CNTN5: variants seen among roughly 807,000 people sequenced by gnomAD.
The protein encoded by CNTN5 is contactin-5.
Under a neutral mutation model 129.1 loss-of-function variants are expected in CNTN5, and 77 were observed. That is an observed-to-expected ratio of 0.60 (90% CI 0.50 to 0.72). CNTN5 has a LOEUF of 0.72. CNTN5 is among the 30% of genes least tolerant of loss of function. CNTN5 has a pLI of 0.00. For missense variants in CNTN5, 1,478 were observed against 1,328.8 expected (o/e 1.11, Z -1.75); for synonymous variants, 509 against 465.6 (o/e 1.09, Z -1.20).
rs922117828 is a variant in CNTN5 at position 100,356,978 on chromosome 11, A to G, written c.*758A>G. ...AAATATTTATTTTTAATAACAAAAGATGGTTTAACATCACCAAAAAATATG... is the reference window on the plus strand; with the variant it reads ...AAATATTTATTTTTAATAACAAAAGGTGGTTTAACATCACCAAAAAATATG... On this transcript the variant is annotated 3_prime_UTR_variant, in exon 25 of 25. Coordinates refer to ENST00000524871, the MANE Select transcript of CNTN5 (RefSeq NM_014361.4). 6.6e-6 allele frequency: 1 copy of G among 151,766 alleles called. No individual in the cohort carries two copies. Among genetic ancestry groups the G allele is most frequent in the African/African-American group, 2.4e-5 (1 of 41,396 alleles). 9.4% of individuals were successfully genotyped at this position (151,766 alleles called of 1,614,324 possible). A position where few individuals can be genotyped will look rare whatever the true frequency, so the allele number is the denominator to read the frequency against.
At chr11:99,499,126 G>A (rs1946335959) in intron 2 of CNTN5, among the ~76,000 whole-genome samples, 1 of 152,114 alleles carries the variant, frequency 6.6e-6, no homozygotes, top group Admixed American at 6.6e-5. Context: ...TCTAAATTTT[G>A]TCACTGCTAC....
intron 3 of CNTN5, among the ~76,000 whole-genome samples, chr11:99,678,732 A>G (rs2134697904): frequency 6.6e-6 from 1 of 152,190 alleles, no homozygotes; most frequent in Non-Finnish European, 1.5e-5. Flanking sequence ...GTCCTTTTAG[A>G]AAGAGGTAAA....
chr11:100,092,916 T>C (rs907834083), intron 13 of CNTN5, among the ~76,000 whole-genome samples: 1 of 152,068 alleles, frequency 6.6e-6, no homozygotes, highest in Non-Finnish European at 1.5e-5. Context: ...TTTTAACATA[T>C]AGGCTGTAAA....
chr11:99,300,019 A>G (rs983331197), intron 1 of CNTN5, among the ~76,000 whole-genome samples: 4 of 152,160 alleles, frequency 2.6e-5, no homozygotes, highest in Admixed American at 6.6e-5. Context: ...CCAACAGTGT[A>G]TAAGCATTGC....
chr11:99,776,417 AT>A (rs1337797854), intron 3 of CNTN5, among the ~76,000 whole-genome samples: 1 of 151,974 alleles, frequency 6.6e-6, no homozygotes, highest in Non-Finnish European at 1.5e-5. Flanking sequence ...CTCTAAAAGC[AT>A]TGCTTTCCTA....
At chr11:99,637,577 T>C (rs1951608937) in intron 3 of CNTN5, among the ~76,000 whole-genome samples, 1 of 152,122 alleles carries the variant, frequency 6.6e-6, no homozygotes, top group African/African-American at 2.4e-5. Context: ...ATTTTAAAAA[T>C]CAGTATTTTT....
chr11:99,719,912 C>G (rs1201885218), intron 3 of CNTN5, among the ~76,000 whole-genome samples: 3 of 152,080 alleles, frequency 2.0e-5, no homozygotes, highest in Admixed American at 6.6e-5. Flanking sequence ...TCTACACACA[C>G]AAACTAGAAA....
chr11:99,924,898 T>C (rs1445853021), intron 7 of CNTN5, among the ~76,000 whole-genome samples: 1 of 152,102 alleles, frequency 6.6e-6, no homozygotes, highest in Non-Finnish European at 1.5e-5. Context: ...GAAGTAAGGG[T>C]GTGTAAATTT....
chr11:99,528,901 TA>T (rs35945785), intron 2 of CNTN5, among the ~76,000 whole-genome samples: 80,304 of 145,442 alleles, frequency 0.55, 23,797 homozygotes, highest in Non-Finnish European at 0.69. Flanking sequence ...CCGTTTCTAC[TA>T]AAAAAAAAAA....
At chr11:99,941,445 C>T (rs1950433190) in intron 7 of CNTN5, among the ~76,000 whole-genome samples, 1 of 151,618 alleles carries the variant, frequency 6.6e-6, no homozygotes, top group Admixed American at 6.6e-5. Context: ...GTGTACCAGC[C>T]ACTTTTTACA....
intron 2 of CNTN5, among the ~76,000 whole-genome samples, chr11:99,495,147 T>A (rs1946177104): frequency 6.6e-6 from 1 of 152,068 alleles, no homozygotes; most frequent in African/African-American, 2.4e-5. Context: ...AGGCGGCAGA[T>A]CACGAAGTCA....
At chr11:99,540,447 T>A (rs1308706996) in intron 2 of CNTN5, among the ~76,000 whole-genome samples, 1 of 152,196 alleles carries the variant, frequency 6.6e-6, no homozygotes, top group Non-Finnish European at 1.5e-5. Flanking sequence ...GCACTTTCAA[T>A]GTGTTCACAG....
At chr11:99,429,470 CT>C (rs1363219292) in intron 2 of CNTN5, among the ~76,000 whole-genome samples, 9 of 152,000 alleles carry the variant, frequency 5.9e-5, no homozygotes, top group African/African-American at 2.2e-4. Context: ...AGGAACAATT[CT>C]TAGGTGAAAA....
chr11:99,120,445 G>A (rs1275018680), intron 1 of CNTN5: 1 of 152,228 alleles, frequency 6.6e-6, no homozygotes, highest in Non-Finnish European at 1.5e-5. Context: ...ATAAAGGGAT[G>A]AGCCATATAA....
At chr11:99,213,466 G>A (rs986248144) in intron 1 of CNTN5, among the ~76,000 whole-genome samples, 87 of 126,920 alleles carry the variant, frequency 6.9e-4, no homozygotes, top group East Asian at 2.7e-3. Context: ...ACATATATAC[G>A]TGTGTATATA....
chr11:99,920,941 T>G (rs1251512059), intron 7 of CNTN5, among the ~76,000 whole-genome samples: 2 of 152,010 alleles, frequency 1.3e-5, no homozygotes, highest in African/African-American at 4.8e-5. Flanking sequence ...GCCTTGAGGG[T>G]TGGGCCTTTA....
chr11:99,492,272 A>G (rs993907889), intron 2 of CNTN5, among the ~76,000 whole-genome samples: 1 of 152,112 alleles, frequency 6.6e-6, no homozygotes, highest in African/African-American at 2.4e-5. Flanking sequence ...GGTGATCATT[A>G]TGAAAAACAA....
intron 20 of CNTN5, among the ~76,000 whole-genome samples, chr11:100,303,047 C>T (rs1951264258): frequency 6.6e-6 from 1 of 151,450 alleles, no homozygotes; most frequent in South Asian, 2.1e-4. Context: ...CCTTTGAAAC[C>T]TTTCAATGTT....
At chr11:99,201,989 G>A (rs903352022) in intron 1 of CNTN5, among the ~76,000 whole-genome samples, 9 of 152,116 alleles carry the variant, frequency 5.9e-5, no homozygotes, top group African/African-American at 1.9e-4. Context: ...CAATGCATGC[G>A]TGTTTTGCAC....
Sources: allele counts gnomAD v4.1 joint callset (sites outside exome capture counted in the v4.1 genomes callset), GRCh38; gene constraint gnomAD v4.1.1; transcripts MANE v1.5; gene names NCBI Gene and HGNC (gene_info 2026-07-23, HGNC 2026-07-21).